The following BOLA3 variants were observed in gnomAD, a reference collection of about 807,000 sequenced individuals.
BOLA3 encodes bolA family member 3, also known as bolA-like protein 3.
In BOLA3, 8 loss-of-function variants were observed where a neutral mutation model predicts 14.5. That is an observed-to-expected ratio of 0.55 (90% CI 0.32 to 0.99). The LOEUF is 0.99. Ranked by LOEUF, BOLA3 falls within the 50% of genes least tolerant of loss-of-function variation. BOLA3 has a pLI of 0.04. For synonymous variants in BOLA3, 42 were observed against 45.7 expected (o/e 0.92, Z 0.33); for missense variants, 115 against 138.2 (o/e 0.83, Z 0.84).
chr2:74,136,982 G>A (rs549498767), intron 3 of BOLA3, among the ~76,000 whole-genome samples: 49 of 152,180 alleles, frequency 3.2e-4, no homozygotes, highest in East Asian at 5.8e-4. Context: ...GGCTTGGACC[G>A]CTCAAGTTTA....
intron 3 of BOLA3, among the ~76,000 whole-genome samples, chr2:74,136,134 G>C (rs571396927): frequency 4.9e-4 from 74 of 151,976 alleles, no homozygotes; most frequent in African/African-American, 1.6e-3. Flanking sequence ...ATTTTTTGTA[G>C]AGGCAGGGTC....
intron 3 of BOLA3, 130 bp from the exon 4 acceptor site, chr2:74,135,788 T>A (rs940831483): frequency 4.0e-6 from 3 of 749,256 alleles, no homozygotes; most frequent in African/African-American, 1.8e-5. Context: ...CAATTTTTCC[T>A]TTTTTTGAAA....
chr2:74,137,266 G>A (rs1469114352), intron 3 of BOLA3, among the ~76,000 whole-genome samples: 1 of 152,216 alleles, frequency 6.6e-6, no homozygotes, highest in African/African-American at 2.4e-5. Context: ...TCTGAGAGTG[G>A]AGCCTTGTTT....
intron 1 of BOLA3, chr2:74,146,889 G>A (rs1258953107): frequency 6.6e-6 from 1 of 152,630 alleles, no homozygotes; most frequent in African/African-American, 2.4e-5. Context: ...TAGTCAATTA[G>A]GGACAGAAAT....
chr2:74,140,504 G>A (rs748841179), intron 3 of BOLA3, among the ~76,000 whole-genome samples: 4 of 152,170 alleles, frequency 2.6e-5, no homozygotes, highest in Admixed American at 6.5e-5. Flanking sequence ...ACACAGCCCC[G>A]TCCTGCAGTA....
chr2:74,140,528 G>A (rs561697339), intron 3 of BOLA3, among the ~76,000 whole-genome samples: 56 of 152,308 alleles, frequency 3.7e-4, no homozygotes, highest in African/African-American at 1.3e-3. Context: ...CTGCTTTCGA[G>A]GGGGAATGAA....
intron 3 of BOLA3, 72 bp from the exon 4 acceptor site, chr2:74,135,730 T>C (rs1692312436): frequency 8.8e-7 from 1 of 1,133,020 alleles, no homozygotes; most frequent in Non-Finnish European, 1.3e-6. Context: ...GAGAGTATTT[T>C]TATACAGCTC....
chr2:74,143,518 C>T (rs1393621201), intron 2 of BOLA3, among the ~76,000 whole-genome samples: 1 of 152,000 alleles, frequency 6.6e-6, no homozygotes, highest in Non-Finnish European at 1.5e-5. Context: ...CCCAGGTTCT[C>T]AGCCTCAACT....
chr2:74,147,524 T>C, intron 1 of BOLA3: 1 of 464,040 alleles, frequency 2.2e-6, no homozygotes, highest in South Asian at 2.6e-5. Flanking sequence ...CCAATCCTTT[T>C]TTTTTCCTGT....
chr2:74,145,533 C>G (rs1376566826), intron 1 of BOLA3: 3 of 565,404 alleles, frequency 5.3e-6, no homozygotes, highest in South Asian at 4.1e-5. Context: ...GTTAATAACT[C>G]AATTTGACTC....
At chr2:74,137,981 C>G (rs181056416) in intron 3 of BOLA3, among the ~76,000 whole-genome samples, 8 of 152,316 alleles carry the variant, frequency 5.3e-5, no homozygotes, top group Non-Finnish European at 1.2e-4. Flanking sequence ...GGGTGAGGGC[C>G]CAGTCACACC....
intron 3 of BOLA3, among the ~76,000 whole-genome samples, chr2:74,140,782 G>A (rs1345455070): frequency 6.6e-6 from 1 of 152,202 alleles, no homozygotes; most frequent in Admixed American, 6.5e-5. Flanking sequence ...AGTGGTCAAC[G>A]TGTACTTTAT....
intron 3 of BOLA3, among the ~76,000 whole-genome samples, chr2:74,136,393 C>T (rs1389634758): frequency 3.3e-5 from 5 of 152,214 alleles, no homozygotes. Context: ...ACCCACGGCC[C>T]ATGACAGCTT....
intron 1 of BOLA3, 22 bp from the exon 2 acceptor site, chr2:74,145,325 G>A: frequency 7.2e-7 from 1 of 1,385,238 alleles, no homozygotes; most frequent in East Asian, 2.3e-5. Flanking sequence ...CAGAGAGGAA[G>A]GTCAGGGCAG....
intron 2 of BOLA3, among the ~76,000 whole-genome samples, chr2:74,143,385 T>A (rs1692483336): frequency 6.6e-6 from 1 of 152,164 alleles, no homozygotes; most frequent in African/African-American, 2.4e-5. Context: ...GGTCTCGATC[T>A]CCTGACCTCG....
At position 74,145,207 on chromosome 2, in the gene BOLA3, T is replaced by C. The variant is rs1161746284; in HGVS notation, c.151A>G (p.Lys51Glu). 6.3e-7 allele frequency: 1 copy of C among 1,597,318 alleles called. No individual in the cohort carries two copies. The highest frequency in any genetic ancestry group is 1.7e-5 in the Admixed American group (1 of 60,012). ...ACCTTACCTGAAATGTCAGTGACTTTTATAGCTGTAGCTCGTGGAAACTTT... is the reference window on the plus strand; with the variant it reads ...ACCTTACCTGAAATGTCAGTGACTTCTATAGCTGTAGCTCGTGGAAACTTT... ...KEKFPRATAIKVTDISGGCGA... is the reference protein window; with the variant it reads ...KEKFPRATAIEVTDISGGCGA... Residue 51 changes from lysine (K) to glutamate (E), a missense_variant, in exon 2 of 4, where the codon AAA (lysine) becomes GAA (glutamate). By Grantham distance (56) the Lys-to-Glu change is moderately conservative. Transcript: ENST00000327428.
chr2:74,140,665 C>A (rs1462510537), intron 3 of BOLA3, among the ~76,000 whole-genome samples: 3 of 152,218 alleles, frequency 2.0e-5, no homozygotes, highest in African/African-American at 4.8e-5. Flanking sequence ...AATCACAGCC[C>A]TTCCCCACCC....
intron 1 of BOLA3, chr2:74,146,514 T>C (rs1692548718): frequency 6.6e-6 from 1 of 152,354 alleles, no homozygotes. Context: ...CAAAGTAACC[T>C]GCAGGAAACA....
intron 3 of BOLA3, among the ~76,000 whole-genome samples, chr2:74,137,816 T>C (rs1305265544): frequency 1.3e-5 from 2 of 152,178 alleles, no homozygotes; most frequent in African/African-American, 2.4e-5. Flanking sequence ...CCCTCAACTC[T>C]GCGGACAGGC....
Sources: gnomAD v4.1 joint callset for allele counts (sites outside exome capture counted in the v4.1 genomes callset) on GRCh38, gnomAD v4.1.1 for gene constraint, MANE v1.5 for transcripts, NCBI Gene and HGNC (gene_info 2026-07-23, HGNC 2026-07-21) for gene names.